The following PABPN1L variants were observed in gnomAD, a reference collection of about 807,000 sequenced individuals.
PABPN1L encodes embryonic polyadenylate-binding protein 2.
A neutral mutation model predicts 34.0 loss-of-function variants in PABPN1L; 45 were observed. That is an observed-to-expected ratio of 1.32 (90% CI 1.04 to 1.70). The LOEUF (loss-of-function observed/expected upper bound fraction) is 1.70. Ranked by LOEUF, PABPN1L falls within the 40% of genes most tolerant of loss-of-function variation. The pLI, the probability that PABPN1L is intolerant of heterozygous loss-of-function variation, is 0.00. For synonymous variants in PABPN1L, 182 were observed against 152.1 expected (o/e 1.20, Z -1.45); for missense variants, 459 against 367.8 (o/e 1.25, Z -2.03).
Position 88,865,803 on chromosome 16 carries a change from T to C in PABPN1L, c.391+3A>G. 1 of 1,602,458 alleles carries C rather than the reference T, an allele frequency of 6.2e-7. No homozygotes were observed. The highest frequency in any genetic ancestry group is 8.5e-7 in the Non-Finnish European group (1 of 1,174,770). ...GGGGGCGGCCTGTGCCCTTGGTTCC[T>C]ACCCACGGTCTCAGGGCTCAGCAGC... On this transcript the variant is annotated splice_donor_region_variant and intron_variant, in intron 2 of 6. Coordinates refer to ENST00000419291, the Ensembl canonical transcript of PABPN1L.
At chr16:88,866,650 C>G (rs1968611542), upstream of PABPN1L, 3 of 1,493,022 alleles carry the variant, frequency 2.0e-6, no homozygotes, top group African/African-American at 4.2e-5. Flanking sequence ...GGCCTCCCCT[C>G]CACTCCCCTC....
At chr16:88,866,554 A>T in exon 1 of PABPN1L, 1 of 1,552,576 alleles carries the variant, frequency 6.4e-7, no homozygotes, top group Non-Finnish European at 8.7e-7. Flanking sequence ...GACCGTCTGG[A>T]GCCAGGCCTG....
At chr16:88,865,822 C>T (rs764130739) in exon 2 of PABPN1L, 10 of 1,607,160 alleles carry the variant, frequency 6.2e-6, no homozygotes, top group Admixed American at 1.7e-5. Context: ...TCTCAGGGCT[C>T]AGCAGCTGCC....
chr16:88,865,364 A>C (rs1163747477), intron 3 of PABPN1L, among the ~76,000 whole-genome samples, 199 bp downstream of exon 3: 1 of 151,746 alleles, frequency 6.6e-6, no homozygotes, highest in Non-Finnish European at 1.5e-5. Context: ...TGGAGATTTC[A>C]TGTGCAACCC....
intron 5 of PABPN1L, 118 bp downstream of exon 5, chr16:88,864,735 G>C (rs1968545937): frequency 8.5e-7 from 1 of 1,170,924 alleles, no homozygotes; most frequent in Non-Finnish European, 1.2e-6. Context: ...GCCCAGCCAA[G>C]CACCGTGCCT....
upstream of PABPN1L, among the ~76,000 whole-genome samples, chr16:88,869,775 A>C (rs1453157810): frequency 6.6e-6 from 1 of 152,240 alleles, no homozygotes; most frequent in Non-Finnish European, 1.5e-5. Context: ...CGGCCATGGA[A>C]AACCTTGTCA....
rs141666111 is a variant in PABPN1L, at chr16:88,865,107, C to T, written c.481G>A (p.Glu161Lys). ...CGGCTGAAGTGGGCCTCCAGCTCCTCGGCGGAGCCCCCGTAGTCCACCTGC... is the reference window on the plus strand; with the variant it reads ...CGGCTGAAGTGGGCCTCCAGCTCCTTGGCGGAGCCCCCGTAGTCCACCTGC... Residue 161 changes from glutamate (E) to lysine (K), a missense_variant, in exon 4 of 7, where the codon GAG becomes AAG. By Grantham distance (56) the Glu-to-Lys change is moderately conservative (BLOSUM62 1). Coordinates refer to ENST00000419291, the Ensembl canonical transcript of PABPN1L. 16 of 1,581,234 alleles carry T rather than the reference C, an allele frequency of 1.0e-5. No individual in the cohort carries two copies. Among genetic ancestry groups the T allele is most frequent in the South Asian group, 5.8e-5 (5 of 86,666 alleles).
chr16:88,869,397 A>T (rs895926142), upstream of PABPN1L, among the ~76,000 whole-genome samples: 4 of 152,176 alleles, frequency 2.6e-5, no homozygotes, highest in African/African-American at 4.8e-5. Context: ...ACACGGTGCC[A>T]CTGTTTCCGG....
At chr16:88,864,134 T>C in intron 6 of PABPN1L, 103 bp downstream of exon 6, 1 of 1,396,268 alleles carries the variant, frequency 7.2e-7, no homozygotes, top group Non-Finnish European at 9.4e-7. Context: ...GCCAGGTACA[T>C]TCCTGCAGCC....
chr16:88,863,845 T>TGG, intron 6 of PABPN1L, 50 bp from the exon 7 acceptor site: 1 of 1,514,106 alleles, frequency 6.6e-7, no homozygotes, highest in Non-Finnish European at 8.9e-7. Flanking sequence ...GGAGAAGGGG[T>TGG]GGTGGCCCAG....
At chr16:88,865,588 T>C (rs746774765) in exon 3 of PABPN1L, 23 of 1,611,588 alleles carry the variant, frequency 1.4e-5, no homozygotes, top group Non-Finnish European at 4.2e-6. Context: ...GGATCTGTGG[T>C]CAGCCTCCAC....
intron 1 of PABPN1L, 32 bp downstream of exon 1, chr16:88,866,318 CCT>C (rs745381488): frequency 4.1e-5 from 63 of 1,536,444 alleles, no homozygotes; most frequent in Non-Finnish European, 5.5e-5. Flanking sequence ...CCCCAGGTCC[CCT>C]GAGATCCCCA....
intron 5 of PABPN1L, among the ~76,000 whole-genome samples, chr16:88,864,600 AG>A (rs1046337147): frequency 1.4e-3 from 213 of 151,020 alleles, no homozygotes; most frequent in Non-Finnish European, 1.9e-3. Flanking sequence ...ACCCCTGCAG[AG>A]GGGGGGGTCA....
chr16:88,865,628 AGCCTGCGGAGAACACAGCTCAGGCCC>A lies in PABPN1L; in HGVS notation c.392-24_393del. 2 of 1,607,592 alleles carry A rather than the reference AGCCTGCGGAGAACACAGCTCAGGCCC, an allele frequency of 1.2e-6. No individual in the cohort carries two copies. The highest frequency in any genetic ancestry group is 1.7e-6 in the Non-Finnish European group (2 of 1,177,260). On this transcript the variant is annotated splice_acceptor_variant and splice_polypyrimidine_tract_variant and coding_sequence_variant and intron_variant, in exon 3 of 7. Coordinates refer to ENST00000419291, the Ensembl canonical transcript of PABPN1L. LOFTEE classifies it high-confidence loss of function. Reference sequence around the variant, plus strand: ...TCCTCGGGGGTCCCAGAGAGGGGGCAGCCTGCGGAGAACACAGCTCAGGCCCGCAGGCCCTTGGTTCCTTCCTCACT... The same window carrying A: ...TCCTCGGGGGTCCCAGAGAGGGGGCAGCAGGCCCTTGGTTCCTTCCTCACT...
At chr16:88,868,316 T>A (rs1397317393), upstream of PABPN1L, among the ~76,000 whole-genome samples, 1 of 152,160 alleles carries the variant, frequency 6.6e-6, no homozygotes, top group East Asian at 1.9e-4. Context: ...CAAAGAGGGT[T>A]TGGAGGCCGG....
chr16:88,863,543 G>T (rs115622224), exon 7 of PABPN1L: 10 of 669,624 alleles, frequency 1.5e-5, no homozygotes, highest in Non-Finnish European at 2.4e-5. Flanking sequence ...ACCGGGCCGT[G>T]GCTGTGACTC....
chr16:88,865,674 C>T (rs1176175246), intron 2 of PABPN1L, 44 bp from the exon 3 acceptor site: 1 of 1,568,102 alleles, frequency 6.4e-7, no homozygotes, highest in Admixed American at 1.8e-5. Context: ...TGGTTCCTTC[C>T]TCACTCCTCT....
chr16:88,864,156 G>T, intron 6 of PABPN1L, 81 bp downstream of exon 6: 4 of 1,454,222 alleles, frequency 2.8e-6, no homozygotes, highest in Non-Finnish European at 3.6e-6. Flanking sequence ...CATGAGGAAC[G>T]AGCTCAGGGA....
chr16:88,866,599 G>T (rs1425344046), exon 1 of PABPN1L: 6 of 1,545,820 alleles, frequency 3.9e-6, no homozygotes, highest in Middle Eastern at 1.7e-4. Flanking sequence ...GCTCGGGAAG[G>T]GCCACATGGT....
Sources: allele counts gnomAD v4.1 joint callset (sites outside exome capture counted in the v4.1 genomes callset), GRCh38; gene constraint gnomAD v4.1.1; transcripts MANE v1.5; gene names NCBI Gene and HGNC (gene_info 2026-07-23, HGNC 2026-07-21).